Variants in RELN observed in about 807,000 individuals in gnomAD.
The protein encoded by RELN is reelin.
In RELN, 108 loss-of-function variants were observed where a neutral mutation model predicts 427.6. The ratio of observed to expected loss-of-function variants is 0.25; its 90% confidence interval spans 0.22 to 0.30. The LOEUF is 0.30. RELN is among the 10% of genes least tolerant of loss of function. RELN has a pLI of 1.00. For synonymous variants in RELN, 1,524 were observed against 1,513.4 expected (o/e 1.01, Z -0.16); for missense variants, 3,715 against 4,302.8 (o/e 0.86, Z 3.82).
rs761045429 is a variant in RELN, at chr7:103,566,426, A to C, written c.4748-14T>G. ...CTGAATGCTTCCCTGCAATCAGATG[A>C]ATAAAGGTGGTTAGAGAAGTTTTGT... On this transcript the variant is annotated splice_polypyrimidine_tract_variant and intron_variant, in intron 32 of 64. Coordinates refer to ENST00000428762, the MANE Select transcript of RELN (RefSeq NM_005045.4). 12 of 1,613,302 alleles carry C rather than the reference A, an allele frequency of 7.4e-6. No individual in the cohort carries two copies. Among genetic ancestry groups the C allele is most frequent in the Admixed American group, 1.7e-5 (1 of 59,988 alleles).
At chr7:103,697,262 T>A (rs1336554905) in intron 10 of RELN, among the ~76,000 whole-genome samples, 1 of 152,100 alleles carries the variant, frequency 6.6e-6, no homozygotes, top group Non-Finnish European at 1.5e-5. Context: ...GATTTCAACA[T>A]ATGAATTCTG....
intron 1 of RELN, among the ~76,000 whole-genome samples, chr7:103,923,779 A>G (rs781228741): frequency 1.6e-4 from 25 of 152,072 alleles, no homozygotes; most frequent in Admixed American, 3.9e-4. Context: ...ACCCTTTCCT[A>G]CTTCCAAAAG....
intron 34 of RELN, among the ~76,000 whole-genome samples, chr7:103,562,626 T>C (rs889140922): frequency 6.6e-6 from 1 of 152,244 alleles, no homozygotes; most frequent in Non-Finnish European, 1.5e-5. Flanking sequence ...AAAGTTTGCA[T>C]AGAAGTGTGT....
intron 4 of RELN, among the ~76,000 whole-genome samples, chr7:103,755,435 C>T (rs993241840): frequency 1.3e-5 from 2 of 151,970 alleles, no homozygotes; most frequent in Non-Finnish European, 2.9e-5. Flanking sequence ...GGTGAAACCC[C>T]ATCTCTACTA....
chr7:103,502,881 A>G (rs1416994256), intron 52 of RELN, 135 bp downstream of exon 52: 6 of 772,290 alleles, frequency 7.8e-6, no homozygotes, highest in Admixed American at 2.1e-5. Flanking sequence ...GTAACCAATT[A>G]GAGAACCTTT....
Position 103,581,626 on chromosome 7 carries a change from G to T in RELN, c.4146-5921C>A, listed in dbSNP as rs957583776. Among the ~76,000 whole-genome samples, 8 of 152,088 alleles carry T rather than the reference G, an allele frequency of 5.3e-5. No individual in the cohort carries two copies. The East Asian group carries it at 9.6e-4, about 18-fold the overall frequency. ...CTCCCACTTAATCACACTTCCTTTT[G>T]TATATGCTCCTCTGTAGTGCAACTT... On this transcript the variant is annotated intron_variant, in intron 28 of 64. Transcript: ENST00000428762.
At chr7:103,474,881 C>T (rs1827979830) in intron 64 of RELN, among the ~76,000 whole-genome samples, 2 of 151,664 alleles carry the variant, frequency 1.3e-5, no homozygotes, top group East Asian at 3.9e-4. Context: ...TAATTGTATA[C>T]ATGTGCATGT....
chr7:103,651,118 A>T (rs1463581619), intron 15 of RELN, among the ~76,000 whole-genome samples: 1 of 152,138 alleles, frequency 6.6e-6, no homozygotes, highest in Admixed American at 6.6e-5. Context: ...AACAAAGAAA[A>T]TAATTCCCAA....
In RELN at chr7:103,519,586, A is replaced by AT. The variant is rs35127886; in HGVS notation, c.7669-71dup. The AT allele has an allele frequency of 0.29, 283,610 of 978,556 alleles. 15,795 individuals are homozygous for AT. The highest frequency in any genetic ancestry group is 0.57 in the African/African-American group (32,219 of 56,846). 60.6% of individuals were successfully genotyped at this position (978,556 alleles called of 1,614,324 possible). A position where few individuals can be genotyped will look rare whatever the true frequency, so the allele number is the denominator to read the frequency against. ...ATTGCAGATTATAGATTTTCTATGG[A>AT]TTTTTTTTTTTTTTGAGACAGGGTC... is the stretch of plus-strand genomic sequence containing the variant. On this transcript the variant is annotated intron_variant, in intron 48 of 64. Transcript: ENST00000428762.
chr7:103,739,851 A>G (rs1387665209), intron 6 of RELN, among the ~76,000 whole-genome samples: 1 of 152,168 alleles, frequency 6.6e-6, no homozygotes, highest in Non-Finnish European at 1.5e-5. Context: ...GCACAATTGC[A>G]CACCAGAGTA....
intron 2 of RELN, among the ~76,000 whole-genome samples, chr7:103,862,544 A>G (rs1024345855): frequency 1.3e-5 from 2 of 150,416 alleles, no homozygotes; most frequent in African/African-American, 4.9e-5. Context: ...TTTCACTCTC[A>G]TGCCTCTTTA....
intron 16 of RELN, among the ~76,000 whole-genome samples, chr7:103,647,352 T>C (rs1488147286): frequency 6.6e-6 from 1 of 151,978 alleles, no homozygotes; most frequent in African/African-American, 2.4e-5. Flanking sequence ...ATAAATGACT[T>C]CAGTAAAGAT....
chr7:103,909,658 T>C (rs1200758713), intron 2 of RELN, among the ~76,000 whole-genome samples: 2 of 87,394 alleles, frequency 2.3e-5, no homozygotes, highest in East Asian at 2.7e-4. Context: ...ATATTTAATA[T>C]ATATAAATAT....
intron 1 of RELN, among the ~76,000 whole-genome samples, chr7:103,955,344 A>G (rs541965448): frequency 6.6e-6 from 1 of 152,240 alleles, no homozygotes; most frequent in Non-Finnish European, 1.5e-5. Flanking sequence ...TTCCATGAAC[A>G]GTAACTAAAT....
intron 16 of RELN, among the ~76,000 whole-genome samples, chr7:103,645,975 G>C (rs1159710575): frequency 6.6e-6 from 1 of 151,632 alleles, no homozygotes; most frequent in Non-Finnish European, 1.5e-5. Flanking sequence ...TTAATTCTAA[G>C]GGAAACTCTT....
rs1554416535 is a variant in RELN at position 103,773,126 on chromosome 7, T to TTCTTTCTC, written c.544+3430_544+3431insGAGAAAGA. Among the ~76,000 whole-genome samples, 6 of 94,202 alleles carry TTCTTTCTC rather than the reference T, an allele frequency of 6.4e-5. No homozygotes were observed. In the East Asian group the frequency reaches 2.5e-3, roughly 40 times the overall value. 61.8% of individuals were successfully genotyped at this position (94,202 alleles called of 152,430 possible). A position where few individuals can be genotyped will look rare whatever the true frequency, so the allele number is the denominator to read the frequency against. On this transcript the variant is annotated intron_variant, in intron 4 of 64. Transcript: ENST00000428762. ...TTTCTTTCTTTCTTTCTTTCTTTCT[T>TTCTTTCTC]TCTTTCTTTCTTTCTTTCTTTCTTT... is the stretch of plus-strand genomic sequence containing the variant.
chr7:103,527,367 A>G (rs1303638342), intron 46 of RELN, among the ~76,000 whole-genome samples: 2 of 152,250 alleles, frequency 1.3e-5, no homozygotes, highest in African/African-American at 2.4e-5. Flanking sequence ...ACCGAAGACG[A>G]CGATGACGCC....
At chr7:103,558,180 A>G in intron 36 of RELN, 131 bp from the exon 37 acceptor site, 1 of 637,014 alleles carries the variant, frequency 1.6e-6, no homozygotes, top group East Asian at 2.8e-5. Flanking sequence ...AATTTTGCCT[A>G]GTTTAAAAGG....
rs762802659 is a variant in RELN at position 103,545,263 on chromosome 7, G to A, written c.6384C>T (p.Ile2128=). 69 of 1,613,620 alleles carry A rather than the reference G, an allele frequency of 4.3e-5. No homozygotes were observed. Among genetic ancestry groups the A allele is most frequent in the African/African-American group, 1.6e-4 (12 of 74,886 alleles). ...PVTWAIDNVY[I]GPQCEEMCNG... The stretch of plus-strand genomic sequence containing the variant: ...TACACATCTCCTCACACTGGGGACC[G>A]ATGTAGACATTATCAATGGCCCATG... The change falls in exon 42 of 65, where the codon ATC becomes ATT. Residue 2128 remains isoleucine (I), a synonymous_variant. Coordinates refer to ENST00000428762, the MANE Select transcript of RELN (RefSeq NM_005045.4).
Sources: gnomAD v4.1 joint callset for allele counts (sites outside exome capture counted in the v4.1 genomes callset) on GRCh38, gnomAD v4.1.1 for gene constraint, MANE v1.5 for transcripts, NCBI Gene and HGNC (gene_info 2026-07-23, HGNC 2026-07-21) for gene names.